Variants in ATP1B3 observed in about 807,000 individuals in gnomAD.
The protein encoded by ATP1B3 is sodium/potassium-transporting ATPase subunit beta-3.
ATP1B3 carries 10 observed loss-of-function variants against 30.2 expected under a neutral mutation model. That is an observed-to-expected ratio of 0.33 (90% CI 0.20 to 0.56). The LOEUF is 0.56. Ranked by LOEUF, ATP1B3 falls within the 20% of genes least tolerant of loss-of-function variation. ATP1B3 has a pLI of 0.90. For missense variants in ATP1B3, 238 were observed against 336.7 expected (o/e 0.71, Z 2.29); for synonymous variants, 113 against 117.0 (o/e 0.97, Z 0.22).
In ATP1B3 at chr3:141,876,695, T is replaced by G; in HGVS notation, c.-107T>G. 1 of 773,142 alleles carries G rather than the reference T, an allele frequency of 1.3e-6. No homozygotes were observed. The highest frequency in any genetic ancestry group is 2.1e-6 in the Non-Finnish European group (1 of 477,704). The allele number at this position is 773,142 out of a possible 1,614,324, so 47.9% of individuals were successfully genotyped here. A position where few individuals can be genotyped will look rare whatever the true frequency, so the allele number is the denominator to read the frequency against. The stretch of plus-strand genomic sequence containing the variant: ...GGAGGTGTTCTCGGCCGTCCCACCC[T>G]TCACTGCCGTCTCCGGGCTGCGCCG... On this transcript the variant is annotated 5_prime_UTR_variant, in exon 1 of 7. Coordinates refer to ENST00000286371, the MANE Select transcript of ATP1B3 (RefSeq NM_001679.4).
chr3:141,877,825 C>T (rs1408885324), intron 1 of ATP1B3, among the ~76,000 whole-genome samples: 1 of 124,716 alleles, frequency 8.0e-6, no homozygotes, highest in Non-Finnish European at 1.6e-5. Flanking sequence ...TGAATGCAGG[C>T]TAGAGCTTTT....
chr3:141,920,535 G>A (rs4683411), intron 5 of ATP1B3, among the ~76,000 whole-genome samples: 12,778 of 149,792 alleles, frequency 0.085, 688 homozygotes, highest in East Asian at 0.15. Flanking sequence ...TCAAAAAAAA[G>A]AAAAAAGAAA....
At chr3:141,891,592 G>A (rs11926859) in intron 1 of ATP1B3, among the ~76,000 whole-genome samples, 39 of 151,806 alleles carry the variant, frequency 2.6e-4, no homozygotes, top group African/African-American at 9.2e-4. Context: ...TTTTGGTGTG[G>A]TTTTTCATTA....
At chr3:141,920,285 T>G (rs1934543975) in intron 5 of ATP1B3, among the ~76,000 whole-genome samples, 1 of 151,996 alleles carries the variant, frequency 6.6e-6, no homozygotes, top group Non-Finnish European at 1.5e-5. Flanking sequence ...GGAAACCCAC[T>G]CTGGGTTGGG....
chr3:141,924,083 C>G (rs1324930535), intron 6 of ATP1B3, among the ~76,000 whole-genome samples: 1 of 152,206 alleles, frequency 6.6e-6, no homozygotes, highest in African/African-American at 2.4e-5. Flanking sequence ...GTGGCTCACG[C>G]CTGTAATCCC....
chr3:141,926,263 T>G lies in ATP1B3; in HGVS notation c.*562T>G, dbSNP rs956896350. On this transcript the variant is annotated 3_prime_UTR_variant, in exon 7 of 7. Coordinates refer to ENST00000286371, the MANE Select transcript of ATP1B3 (RefSeq NM_001679.4). ...CTGAATTAGCCTCGATCTTTTTGATTAAGAGCACAAACTTTTTTTTGTAAA... is the reference window on the plus strand; with the variant it reads ...CTGAATTAGCCTCGATCTTTTTGATGAAGAGCACAAACTTTTTTTTGTAAA... 3 of 151,182 alleles carry G rather than the reference T, an allele frequency of 2.0e-5. No homozygotes were observed. The highest frequency in any genetic ancestry group is 7.3e-5 in the African/African-American group (3 of 41,116). The allele number at this position is 151,182 out of a possible 1,614,324, so 9.4% of individuals were successfully genotyped here. A position where few individuals can be genotyped will look rare whatever the true frequency, so the allele number is the denominator to read the frequency against.
intron 4 of ATP1B3, 143 bp downstream of exon 4, chr3:141,913,979 C>A: frequency 2.7e-6 from 2 of 745,088 alleles, no homozygotes; most frequent in African/African-American, 1.8e-5. Context: ...TAAAGACTAG[C>A]AGTAATGTTT....
intron 2 of ATP1B3, among the ~76,000 whole-genome samples, chr3:141,905,459 GC>G (rs1448512731): frequency 1.3e-5 from 2 of 152,136 alleles, no homozygotes; most frequent in African/African-American, 4.8e-5. Context: ...AGATGGAAGT[GC>G]CCTTATCTAG....
At chr3:141,909,015 T>G (rs1189756143) in intron 3 of ATP1B3, among the ~76,000 whole-genome samples, 1 of 152,124 alleles carries the variant, frequency 6.6e-6, no homozygotes, top group Non-Finnish European at 1.5e-5. Context: ...CTGTGTACTC[T>G]CTCTTCTTGT....
chr3:141,887,002 CA>C (rs1371071683), intron 1 of ATP1B3, among the ~76,000 whole-genome samples: 1 of 150,956 alleles, frequency 6.6e-6, no homozygotes, highest in Non-Finnish European at 1.5e-5. Flanking sequence ...GACCATACCT[CA>C]AAAAAAAGAA....
At chr3:141,916,204 T>G (rs1044952779) in intron 5 of ATP1B3, among the ~76,000 whole-genome samples, 184 bp downstream of exon 5, 4 of 152,252 alleles carry the variant, frequency 2.6e-5, no homozygotes, top group African/African-American at 9.6e-5. Flanking sequence ...GAAAGACATT[T>G]TCCATGTGTA....
At chr3:141,891,923 T>C (rs1332202422) in intron 1 of ATP1B3, among the ~76,000 whole-genome samples, 3 of 151,862 alleles carry the variant, frequency 2.0e-5, no homozygotes. Flanking sequence ...TAGTTTTGAA[T>C]TGTGTTTTGT....
intron 3 of ATP1B3, among the ~76,000 whole-genome samples, chr3:141,908,068 C>CTTTTTTT (rs56374653): frequency 4.1e-3 from 452 of 109,022 alleles, no homozygotes; most frequent in East Asian, 0.013. Context: ...GCCAGGCATT[C>CTTTTTTT]TTTTTTTTTT....
At chr3:141,883,598 T>G (rs548102142) in intron 1 of ATP1B3, among the ~76,000 whole-genome samples, 1 of 152,344 alleles carries the variant, frequency 6.6e-6, no homozygotes, top group East Asian at 1.9e-4. Flanking sequence ...TGTCATTGCC[T>G]ATTTACTAGA....
At chr3:141,915,688 A>G (rs1934450053) in intron 4 of ATP1B3, among the ~76,000 whole-genome samples, 1 of 152,220 alleles carries the variant, frequency 6.6e-6, no homozygotes, top group African/African-American at 2.4e-5. Context: ...TGTCTGTTTC[A>G]TATTTTAAGG....
intron 1 of ATP1B3, 128 bp downstream of exon 1, chr3:141,877,038 C>A: frequency 1.7e-6 from 1 of 595,760 alleles, no homozygotes; most frequent in Non-Finnish European, 2.6e-6. Context: ...GACCCTAACC[C>A]GGGCGGCGGC....
At chr3:141,913,603 TTAG>T in intron 3 of ATP1B3, 46 bp from the exon 4 acceptor site, 7 of 1,463,268 alleles carry the variant, frequency 4.8e-6, no homozygotes, top group Non-Finnish European at 6.4e-6. Flanking sequence ...CTGGTTGTTT[TTAG>T]TACCTTTTTT....
intron 3 of ATP1B3, among the ~76,000 whole-genome samples, chr3:141,909,615 T>A (rs1010271273): frequency 5.3e-5 from 8 of 152,190 alleles, no homozygotes; most frequent in African/African-American, 1.9e-4. Context: ...GGTGCTGATG[T>A]GTTGAAGATT....
chr3:141,923,473 T>C (rs1217555706), intron 6 of ATP1B3, among the ~76,000 whole-genome samples: 1 of 152,246 alleles, frequency 6.6e-6, no homozygotes, highest in African/African-American at 2.4e-5. Flanking sequence ...ATGCAGCTCC[T>C]TGATCTTGGC....
Sources: gnomAD v4.1 joint callset for allele counts (sites outside exome capture counted in the v4.1 genomes callset) on GRCh38, gnomAD v4.1.1 for gene constraint, MANE v1.5 for transcripts, NCBI Gene and HGNC (gene_info 2026-07-23, HGNC 2026-07-21) for gene names.